FAM161A: variants seen among roughly 807,000 people sequenced by gnomAD.
FAM161A encodes the protein protein FAM161A.
In FAM161A, 57 loss-of-function variants were observed where a neutral mutation model predicts 70.9. The ratio of observed to expected loss-of-function variants is 0.80; its 90% CI spans 0.65 to 1.00. The LOEUF (loss-of-function observed/expected upper bound fraction) is 1.00. Among genes scored for constraint, FAM161A ranks in the 50% least tolerant of loss-of-function variants. FAM161A has a pLI of 0.00. For missense variants in FAM161A, 880 were observed against 836.0 expected (o/e 1.05, Z -0.65); for synonymous variants, 299 against 295.7 (o/e 1.01, Z -0.12).
chr2:61,800,500 G>C, the FAM161A span, among the ~76,000 whole-genome samples: 26 of 152,296 alleles, frequency 1.7e-4, no homozygotes, highest in African/African-American at 6.3e-4. Context: ...TGGCAAGACA[G>C]CTCCTTGACC....
intron 4 of FAM161A, among the ~76,000 whole-genome samples, chr2:61,837,443 A>G (rs979449218): frequency 1.3e-5 from 2 of 152,214 alleles, no homozygotes; most frequent in African/African-American, 4.8e-5. Flanking sequence ...TTAAATGATA[A>G]TTAGGCTTAA....
At position 61,835,868 on chromosome 2, in the gene FAM161A, A is replaced by G. The variant is rs1672748984; in HGVS notation, c.1851+142T>C. On this transcript the variant is annotated intron_variant, in intron 5 of 6. Coordinates refer to ENST00000404929, the MANE Select transcript of FAM161A (RefSeq NM_001201543.2). Reference sequence around the variant, plus strand: ...TAAGCAAAATTACTCATTGGCTGATATGATGAAGCCAACACAAACAACAAT... The same window carrying G: ...TAAGCAAAATTACTCATTGGCTGATGTGATGAAGCCAACACAAACAACAAT... 2.8e-6 allele frequency: 2 copies of G among 713,018 alleles called. 1 individual carries two copies. The highest frequency in any genetic ancestry group is 3.3e-5 in the South Asian group (2 of 61,272). 44.2% of individuals were successfully genotyped at this position (713,018 alleles called of 1,614,324 possible). A position where few individuals can be genotyped will look rare whatever the true frequency, so the allele number is the denominator to read the frequency against.
Position 61,852,110 on chromosome 2 carries a change from C to G in FAM161A, c.183+1749G>C, listed in dbSNP as rs147878065. Among the ~76,000 whole-genome samples, 299 of 152,154 alleles carry G rather than the reference C, an allele frequency of 2.0e-3. 1 individual carries two copies. Among genetic ancestry groups the G allele is most frequent in the African/African-American group, 3.9e-3 (163 of 41,498 alleles). ...AGGCCCACTGTGGCAGCTTACCCAG[C>G]TTTACTTTTGGATCCCTCATGTGTG... On this transcript the variant is annotated intron_variant, in intron 1 of 6. Transcript: ENST00000404929.
In FAM161A at chr2:61,839,916, G is replaced by A. The variant is rs374178531; in HGVS notation, c.1088C>T (p.Ser363Phe). ...NRFKARPIPR[S>F]TYGSTTNDKL... is the part of the protein sequence containing the mutation. ...GTCATTGGTAGTTGAACCATAAGTA[G>A]ATCGAGGAATGGGTCTGGCTTTAAA... is the stretch of plus-strand genomic sequence containing the variant. The change falls in exon 3 of 7, where the codon TCT becomes TTT. Residue 363 changes from serine to phenylalanine, a missense_variant. Physicochemically the swap from Ser to Phe is radical, Grantham distance 155. Coordinates refer to ENST00000404929, the MANE Select transcript of FAM161A (RefSeq NM_001201543.2). The A allele has an allele frequency of 3.2e-5, 52 of 1,614,078 alleles. No homozygotes were observed. The highest frequency in any genetic ancestry group is 4.2e-5 in the Non-Finnish European group (50 of 1,180,052).
chr2:61,806,219 G>A, the FAM161A span, among the ~76,000 whole-genome samples: 14 of 151,952 alleles, frequency 9.2e-5, no homozygotes, highest in East Asian at 1.4e-3. Context: ...TCCGTGATCC[G>A]TCTCAAAAAA....
rs1484419786 is a variant in FAM161A, at chr2:61,825,593, A to C, written c.*862T>G. Reference sequence around the variant, plus strand: ...GTAGACAATTTAACAGTAAACTCTCAGTGCAAAAATAAATGTAAATTTGCA... The same window carrying C: ...GTAGACAATTTAACAGTAAACTCTCCGTGCAAAAATAAATGTAAATTTGCA... On this transcript the variant is annotated 3_prime_UTR_variant, in exon 7 of 7. Coordinates refer to ENST00000404929, the MANE Select transcript of FAM161A (RefSeq NM_001201543.2). 5 of 444,792 alleles carry C rather than the reference A, an allele frequency of 1.1e-5. No individual in the cohort carries two copies. The highest frequency in any genetic ancestry group is 4.4e-6 in the Non-Finnish European group (1 of 224,726). 27.6% of individuals were successfully genotyped at this position (444,792 alleles called of 1,614,324 possible).
chr2:61,803,318 A>G, the FAM161A span: 2 of 661,632 alleles, frequency 3.0e-6, no homozygotes, highest in Non-Finnish European at 5.7e-6. Flanking sequence ...GTAAAGTAAA[A>G]TGAACCCAAA....
intron 4 of FAM161A, among the ~76,000 whole-genome samples, chr2:61,837,693 C>T (rs908931720): frequency 4.6e-5 from 7 of 151,878 alleles, no homozygotes; most frequent in East Asian, 1.9e-4. Flanking sequence ...CGCTTGAACT[C>T]GGGATCCAGC....
At chr2:61,844,121 C>T (rs1464828344) in intron 1 of FAM161A, among the ~76,000 whole-genome samples, 2 of 151,726 alleles carry the variant, frequency 1.3e-5, no homozygotes, top group South Asian at 2.1e-4. Context: ...CCAGCCTAGG[C>T]GACAGAGCGA....
intron 1 of FAM161A, among the ~76,000 whole-genome samples, chr2:61,847,274 C>A (rs1197762750): frequency 6.6e-6 from 1 of 152,166 alleles, no homozygotes; most frequent in African/African-American, 2.4e-5. Flanking sequence ...TTGCTCACTC[C>A]TTCAGGTCTT....
At chr2:61,815,381 G>A in the FAM161A span, among the ~76,000 whole-genome samples, 1 of 152,090 alleles carries the variant, frequency 6.6e-6, no homozygotes, top group South Asian at 2.1e-4. Context: ...CGTTGAATCC[G>A]CCTCAAGGGA....
intron 5 of FAM161A, 120 bp downstream of exon 5, chr2:61,835,890 C>A: frequency 1.3e-6 from 1 of 771,354 alleles, no homozygotes. Context: ...ACACAAACAA[C>A]AATAATGTAT....
the FAM161A span, among the ~76,000 whole-genome samples, chr2:61,815,085 T>C: frequency 6.6e-6 from 1 of 151,982 alleles, no homozygotes; most frequent in African/African-American, 2.4e-5. Context: ...AAAGAAGGAG[T>C]TGTTCCCATC....
rs372597586 is a variant in FAM161A at position 61,836,046 on chromosome 2, T to C, written c.1815A>G (p.Leu605=). 1.9e-6 allele frequency: 3 copies of C among 1,611,902 alleles called. No individual in the cohort carries two copies. The African/African-American group carries it at 4.0e-5, about 22-fold the overall frequency. ...QRELEEREEK[L]KKRPLLFERV... ...TTTCAAATAGCAGTGGCCTCTTTTTTAATTTTTCTTCTCTTTCTTCTAGTT... is the reference window on the plus strand; with the variant it reads ...TTTCAAATAGCAGTGGCCTCTTTTTCAATTTTTCTTCTCTTTCTTCTAGTT... The change falls in exon 5 of 7, where the codon TTA becomes TTG. Residue 605 remains leucine (L), a synonymous_variant. Transcript: ENST00000404929.
chr2:61,819,295 T>A, the FAM161A span, among the ~76,000 whole-genome samples: 2 of 152,116 alleles, frequency 1.3e-5, no homozygotes, highest in Non-Finnish European at 2.9e-5. Flanking sequence ...AACCTGTCTC[T>A]GCAAAAAGTA....
At chr2:61,814,945 A>ATGCCGGAATTTCT in the FAM161A span, among the ~76,000 whole-genome samples, 1 of 152,154 alleles carries the variant, frequency 6.6e-6, no homozygotes, top group Non-Finnish European at 1.5e-5. Flanking sequence ...GAGGTTAGAG[A>ATGCCGGAATTTCT]TGCCGGAATT....
rs976064495 is a variant in FAM161A at position 61,853,967 on chromosome 2, C to T, written c.75G>A (p.Ala25=). ...CTTCGCGTTCGTACTGGGCGACCCG[C>T]GCTCCAGTGATGGGATTTACCGGGG... The part of the protein sequence containing the change: ...LQTPVNPITG[A]RVAQYEREDP... The change falls in exon 1 of 7, where the codon GCG becomes GCA. Residue 25 remains alanine (A), a synonymous_variant. Transcript: ENST00000404929. The T allele has an allele frequency of 1.9e-6, 3 of 1,613,932 alleles. No homozygotes were observed. The highest frequency in any genetic ancestry group is 1.7e-6 in the Non-Finnish European group (2 of 1,179,830).
chr2:61,834,190 T>C (rs547651835), intron 5 of FAM161A, among the ~76,000 whole-genome samples: 5 of 152,272 alleles, frequency 3.3e-5, no homozygotes, highest in South Asian at 2.1e-4. Flanking sequence ...AATGAAATCA[T>C]GTCCTTTGCA....
downstream of FAM161A, among the ~76,000 whole-genome samples, chr2:61,823,558 G>T (rs2105054186): frequency 6.6e-6 from 1 of 151,720 alleles, no homozygotes; most frequent in South Asian, 2.1e-4. Context: ...TAGAGACAGG[G>T]TTTCACCATG....
Sources: gnomAD v4.1 joint callset for allele counts (sites outside exome capture counted in the v4.1 genomes callset) on GRCh38, gnomAD v4.1.1 for gene constraint, MANE v1.5 for transcripts, NCBI Gene and HGNC (gene_info 2026-07-23, HGNC 2026-07-21) for gene names.